Variants in VPS13A observed in about 807,000 individuals in gnomAD.
The protein encoded by VPS13A is vacuolar protein sorting 13 homolog A, also known as intermembrane lipid transfer protein VPS13A.
Under a neutral mutation model 390.9 loss-of-function variants are expected in VPS13A, and 264 were observed. That is an observed-to-expected ratio of 0.68 (90% confidence interval 0.61 to 0.75). The LOEUF (loss-of-function observed/expected upper bound fraction) is 0.75. Among genes scored for constraint, VPS13A ranks in the 30% least tolerant of loss-of-function variants. The pLI is 0.00. For missense variants in VPS13A, 3,409 were observed against 3,733.9 expected (o/e 0.91, Z 2.27); for synonymous variants, 1,231 against 1,227.1 (o/e 1.00, Z -0.07).
chr9:77,207,326 A>G lies in VPS13A; in HGVS notation c.385+1247A>G, dbSNP rs1217621511. Among the ~76,000 whole-genome samples, 4 of 145,890 alleles carry G rather than the reference A, an allele frequency of 2.7e-5. No individual in the cohort carries two copies. The East Asian group carries it at 6.1e-4, about 22-fold the overall frequency. On this transcript the variant is annotated intron_variant, in intron 5 of 71. Coordinates refer to ENST00000360280, the MANE Select transcript of VPS13A (RefSeq NM_033305.3). ...TATTTTATAACATATAATTAATGAC[A>G]TTACATATTTTAAACTCATCTCGTG...
At chr9:77,322,968 A>G in intron 44 of VPS13A, 99 bp from the exon 45 acceptor site, 1 of 958,214 alleles carries the variant, frequency 1.0e-6, no homozygotes, top group South Asian at 1.7e-5. Context: ...TATTATTTAT[A>G]AGTTTAAGAA....
intron 46 of VPS13A, among the ~76,000 whole-genome samples, chr9:77,336,605 C>T (rs1035497517): frequency 1.3e-5 from 2 of 151,962 alleles, no homozygotes; most frequent in Non-Finnish European, 2.9e-5. Flanking sequence ...CAAATTCTTT[C>T]AGTTATATAT....
intron 22 of VPS13A, among the ~76,000 whole-genome samples, chr9:77,253,890 A>T (rs1419488236): frequency 7.1e-6 from 1 of 141,184 alleles, no homozygotes; most frequent in Non-Finnish European, 1.5e-5. Flanking sequence ...TGATCCATTG[A>T]GTTAATTTTT....
At chr9:77,352,097 C>T (rs1439712325) in intron 53 of VPS13A, among the ~76,000 whole-genome samples, 1 of 152,174 alleles carries the variant, frequency 6.6e-6, no homozygotes, top group African/African-American at 2.4e-5. Context: ...TCAGCATTCA[C>T]CTGAAAAACA....
chr9:77,401,038 C>T (rs1054895243), intron 68 of VPS13A, among the ~76,000 whole-genome samples: 7 of 151,858 alleles, frequency 4.6e-5, no homozygotes, highest in African/African-American at 1.2e-4. Context: ...AATAAATTTC[C>T]GTAATTGGAT....
At chr9:77,384,349 C>T (rs1379267313) in intron 68 of VPS13A, among the ~76,000 whole-genome samples, 1 of 151,488 alleles carries the variant, frequency 6.6e-6, no homozygotes, top group Non-Finnish European at 1.5e-5. Flanking sequence ...CACAAAATAC[C>T]TTATTGATAT....
rs190810227 is a variant in VPS13A, at chr9:77,335,120, A to G, written c.6096-2135A>G. ...AGATAGTTTTGACCATTGTTCATCT[A>G]TAAAGGACAGTGTTGTCTCATAACT... is the stretch of plus-strand genomic sequence containing the variant. On this transcript the variant is annotated intron_variant, in intron 46 of 71. Coordinates refer to ENST00000360280, the MANE Select transcript of VPS13A (RefSeq NM_033305.3). Among the ~76,000 whole-genome samples the G allele has an allele frequency of 1.9e-3, 285 of 152,356 alleles. 1 individual carries two copies. Among genetic ancestry groups the G allele is most frequent in the African/African-American group, 6.3e-3 (263 of 41,590 alleles).
Position 77,421,485 on chromosome 9 carries a change from G to C in VPS13A, c.*5479G>C, listed in dbSNP as rs547393834. On this transcript the variant is annotated 3_prime_UTR_variant, in exon 72 of 72. Coordinates refer to ENST00000360280, the MANE Select transcript of VPS13A (RefSeq NM_033305.3). ...GTAGATTTGGATTGCATGGTAAGATGACTGCCCATTTTCACCATGTATACC... is the reference window on the plus strand; with the variant it reads ...GTAGATTTGGATTGCATGGTAAGATCACTGCCCATTTTCACCATGTATACC... 2.0e-5 allele frequency: 3 copies of C among 152,084 alleles called. No homozygotes were observed. Among genetic ancestry groups the C allele is most frequent in the Non-Finnish European group, 4.4e-5 (3 of 68,014 alleles). 9.4% of individuals were successfully genotyped at this position (152,084 alleles called of 1,614,324 possible).
intron 53 of VPS13A, 122 bp from the exon 54 acceptor site, chr9:77,353,287 A>AACCCCATGAAGT (rs1199340043): frequency 7.1e-6 from 5 of 706,412 alleles, no homozygotes; most frequent in Non-Finnish European, 9.7e-6. Flanking sequence ...AGTTGCCACT[A>AACCCCATGAAGT]ACCCCATGAA....
chr9:77,390,836 G>A (rs942319464), intron 68 of VPS13A, among the ~76,000 whole-genome samples: 3 of 152,036 alleles, frequency 2.0e-5, no homozygotes, highest in East Asian at 1.9e-4. Flanking sequence ...GAGCCACTGC[G>A]TCTGGCCTAA....
At position 77,250,113 on chromosome 9, in the gene VPS13A, G is replaced by T. The variant is rs759444624; in HGVS notation, c.2054G>T (p.Arg685Leu). ...AACTTGAAGGTGACGAGTAAAAGTCGTTCTGAATTACCAGATGTGAAACAA... is the reference window on the plus strand; with the variant it reads ...AACTTGAAGGTGACGAGTAAAAGTCTTTCTGAATTACCAGATGTGAAACAA... ...LGHLKVTSKSRSELPDVKQGE... is the reference protein window; with the variant it reads ...LGHLKVTSKSLSELPDVKQGE... The change falls in exon 21 of 72, where the codon CGT (arginine) becomes CTT (leucine). Residue 685 changes from arginine to leucine, a missense_variant. Coordinates refer to ENST00000360280, the MANE Select transcript of VPS13A (RefSeq NM_033305.3). 75 of 1,613,580 alleles carry T rather than the reference G, an allele frequency of 4.6e-5. No individual in the cohort carries two copies. The highest frequency in any genetic ancestry group is 6.1e-5 in the Non-Finnish European group (72 of 1,179,872).
chr9:77,370,749 T>C (rs1832705285), intron 65 of VPS13A, 141 bp from the exon 66 acceptor site: 3 of 1,392,466 alleles, frequency 2.2e-6, no homozygotes, highest in East Asian at 4.9e-5. Flanking sequence ...AAACATTCTG[T>C]TTAAATAAAA....
intron 68 of VPS13A, among the ~76,000 whole-genome samples, chr9:77,395,217 A>T (rs2131635245): frequency 6.6e-6 from 1 of 152,224 alleles, no homozygotes; most frequent in Admixed American, 6.5e-5. Flanking sequence ...TCTTCATTTC[A>T]CTTGAACACT....
rs569097361 is a variant in VPS13A at position 77,278,380 on chromosome 9, T to C, written c.2825-1779T>C. ...GAGCCACCGCGCCTGGCCACACTTATTAAGTTTTATGTTTATTCTTATGTT... is the reference window on the plus strand; with the variant it reads ...GAGCCACCGCGCCTGGCCACACTTACTAAGTTTTATGTTTATTCTTATGTT... On this transcript the variant is annotated intron_variant, in intron 26 of 71. Coordinates refer to ENST00000360280, the MANE Select transcript of VPS13A (RefSeq NM_033305.3). Among the ~76,000 whole-genome samples, 29 of 152,074 alleles carry C rather than the reference T, an allele frequency of 1.9e-4. 1 individual carries two copies. The highest frequency in any genetic ancestry group is 3.4e-3 in the Middle Eastern group (1 of 294).
rs546074381 is a variant in VPS13A, at chr9:77,236,376, T to G, written c.1596-1626T>G. Among the ~76,000 whole-genome samples the G allele has an allele frequency of 2.0e-5, 3 of 152,334 alleles. No individual in the cohort carries two copies. The South Asian group carries it at 6.2e-4, about 32-fold the overall frequency. ...GTGAACATAATGCTAGTCTTCCCTT[T>G]TCTGTGTAAGCTTTGTACATTTTTG... On this transcript the variant is annotated intron_variant, in intron 17 of 71. Transcript: ENST00000360280.
chr9:77,350,423 T>C (rs1831387925), intron 52 of VPS13A, among the ~76,000 whole-genome samples: 1 of 152,218 alleles, frequency 6.6e-6, no homozygotes, highest in Non-Finnish European at 1.5e-5. Flanking sequence ...AATGTTGTTC[T>C]GAGTTCATCT....
At chr9:77,332,558 T>C (rs1037521515) in intron 46 of VPS13A, among the ~76,000 whole-genome samples, 14 of 151,744 alleles carry the variant, frequency 9.2e-5, no homozygotes, top group Admixed American at 4.6e-4. Flanking sequence ...AGTTGTAATA[T>C]AAATAGAAGT....
At chr9:77,305,623 G>T (rs1292238092) in intron 34 of VPS13A, 2 of 196,080 alleles carry the variant, frequency 1.0e-5, no homozygotes, top group East Asian at 1.6e-4. Flanking sequence ...TGCCTTTTGA[G>T]GCCAACCCTC....
Position 77,370,950 on chromosome 9 carries a change from T to C in VPS13A, c.8953+15T>C. ...ACCAATCAAAGGCAAGTATAGTAGTTCCTTTGCAAGTCTTTCTAAGTTGAT... is the reference window on the plus strand; with the variant it reads ...ACCAATCAAAGGCAAGTATAGTAGTCCCTTTGCAAGTCTTTCTAAGTTGAT... On this transcript the variant is annotated intron_variant, in intron 66 of 71. Coordinates refer to ENST00000360280, the MANE Select transcript of VPS13A (RefSeq NM_033305.3). The C allele has an allele frequency of 6.2e-7, 1 of 1,614,144 alleles. No individual in the cohort carries two copies. Among genetic ancestry groups the C allele is most frequent in the Non-Finnish European group, 8.5e-7 (1 of 1,180,010 alleles).
Sources: gnomAD v4.1 joint callset for allele counts (sites outside exome capture counted in the v4.1 genomes callset) on GRCh38, gnomAD v4.1.1 for gene constraint, MANE v1.5 for transcripts, NCBI Gene and HGNC (gene_info 2026-07-23, HGNC 2026-07-21) for gene names.